The following ABCC6 variants were observed in gnomAD, a reference collection of about 807,000 sequenced individuals.
ABCC6 encodes ATP-binding cassette sub-family C member 6.
ABCC6 carries 126 observed loss-of-function variants against 169.5 expected under a neutral mutation model. The ratio of observed to expected loss-of-function variants is 0.74; its 90% CI spans 0.64 to 0.86. The LOEUF is 0.86. ABCC6 is among the 40% of genes least tolerant of loss of function. The pLI, the probability that ABCC6 is intolerant of heterozygous loss-of-function variation, is 0.00. For missense variants in ABCC6, 1,733 were observed against 1,927.2 expected (o/e 0.90, Z 1.89); for synonymous variants, 752 against 814.7 (o/e 0.92, Z 1.31).
intron 7 of ABCC6, among the ~76,000 whole-genome samples, chr16:16,204,890 C>T (rs1426930160): frequency 6.7e-6 from 1 of 148,358 alleles, no homozygotes; most frequent in African/African-American, 2.5e-5. Context: ...GGCTGGAGTG[C>T]AGTGTAGCAA....
intron 10 of ABCC6, 58 bp downstream of exon 10, chr16:16,197,963 G>T: frequency 6.5e-7 from 1 of 1,538,182 alleles, no homozygotes; most frequent in East Asian, 2.4e-5. Flanking sequence ...GAAGGAGGAG[G>T]GGGAGAAGGA....
chr16:16,215,439 GT>G (rs879670021), intron 4 of ABCC6, among the ~76,000 whole-genome samples: 433 of 19,282 alleles, frequency 0.022, 2 homozygotes, highest in Non-Finnish European at 0.019. Context: ...TTAATTTTAG[GT>G]GTGTGTGTGT....
intron 9 of ABCC6, among the ~76,000 whole-genome samples, chr16:16,199,844 G>C (rs191017453): frequency 2.3e-4 from 34 of 150,856 alleles, no homozygotes; most frequent in South Asian, 8.4e-4. Flanking sequence ...GAGGCGGGTG[G>C]ATTGCTTGAG....
chr16:16,178,276 G>C (rs1343460125), intron 18 of ABCC6, among the ~76,000 whole-genome samples: 1 of 151,966 alleles, frequency 6.6e-6, no homozygotes, highest in Non-Finnish European at 1.5e-5. Flanking sequence ...CCAGTGAGCG[G>C]AGATCGCACC....
At chr16:16,218,042 T>A (rs1233057597) in intron 4 of ABCC6, among the ~76,000 whole-genome samples, 1 of 152,132 alleles carries the variant, frequency 6.6e-6, no homozygotes, top group Non-Finnish European at 1.5e-5. Flanking sequence ...TGAGCCAAGA[T>A]CGTGCCACTG....
At chr16:16,184,911 C>A in intron 15 of ABCC6, 48 bp downstream of exon 15, 1 of 1,569,904 alleles carries the variant, frequency 6.4e-7, no homozygotes, top group Non-Finnish European at 8.8e-7. Context: ...CCCCATGCAT[C>A]TTCTCCCTAA....
chr16:16,182,741 CAGCGAGGAAG>C, intron 16 of ABCC6, 53 bp downstream of exon 16: 1 of 1,610,252 alleles, frequency 6.2e-7, no homozygotes, highest in Non-Finnish European at 8.5e-7. Context: ...GGTGGGAAGG[CAGCGAGGAAG>C]TGGGACTTTC....
At chr16:16,210,440 A>G (rs1022704708) in intron 6 of ABCC6, among the ~76,000 whole-genome samples, 5 of 152,174 alleles carry the variant, frequency 3.3e-5, no homozygotes, top group African/African-American at 1.2e-4. Context: ...CCAGGCCACC[A>G]AGTTCCCTTT....
At chr16:16,198,746 C>T (rs2048138919) in intron 9 of ABCC6, among the ~76,000 whole-genome samples, 1 of 150,682 alleles carries the variant, frequency 6.6e-6, no homozygotes, top group African/African-American at 2.4e-5. Context: ...ATAATCCCAG[C>T]ACTTTGGGAG....
chr16:16,222,746 T>C (rs1365231073), intron 1 of ABCC6, among the ~76,000 whole-genome samples: 1 of 151,542 alleles, frequency 6.6e-6, no homozygotes, highest in Non-Finnish European at 1.5e-5. Context: ...TGAAGTTTAG[T>C]GGACGTGGCC....
Position 16,154,743 on chromosome 16 carries a change from C to T in ABCC6, c.4093G>A (p.Glu1365Lys). ...GCCCAGATAGCCTCGTCCGAGTGCT[C>T]CTGCAGCAGGTCGAGGTTCATCCGC... ...SLRMNLDLLQ[E>K]HSDEAIWAAL... Residue 1365 changes from glutamate (E) to lysine (K), a missense_variant, in exon 29 of 31, where the codon GAG (glutamate) becomes AAG (lysine). Around this residue, in one of 5 missense-constraint regions of ABCC6, gnomAD observed 1,601 missense variants for 1,635.5 expected, o/e 0.98. Coordinates refer to ENST00000205557, the MANE Select transcript of ABCC6 (RefSeq NM_001171.6). 1 of 1,613,176 alleles carries T rather than the reference C, an allele frequency of 6.2e-7. No homozygotes were observed. Among genetic ancestry groups the T allele is most frequent in the Non-Finnish European group, 8.5e-7 (1 of 1,179,742 alleles).
intron 25 of ABCC6, among the ~76,000 whole-genome samples, chr16:16,160,935 ACTGT>A (rs1361358760): frequency 6.6e-6 from 1 of 152,144 alleles, no homozygotes; most frequent in Non-Finnish European, 1.5e-5. Flanking sequence ...GACATTACAT[ACTGT>A]TAATAGTTAA....
At chr16:16,179,061 G>C (rs557332129) in intron 17 of ABCC6, 96 bp from the exon 18 acceptor site, 2 of 1,367,656 alleles carry the variant, frequency 1.5e-6, no homozygotes, top group East Asian at 2.5e-5. Flanking sequence ...CTGCCCATCA[G>C]GGTGAGGTAC....
At chr16:16,209,438 A>G (rs368551306) in intron 6 of ABCC6, among the ~76,000 whole-genome samples, 2 of 152,228 alleles carry the variant, frequency 1.3e-5, no homozygotes, top group South Asian at 2.1e-4. Context: ...TTATAGATCT[A>G]TTTTACAGAT....
At chr16:16,150,383 T>A in intron 30 of ABCC6, 142 bp from the exon 31 acceptor site, 1 of 1,528,382 alleles carries the variant, frequency 6.5e-7, no homozygotes, top group Non-Finnish European at 8.8e-7. Context: ...CACAGCTGGG[T>A]TGGAAGCGTG....
rs1265368185 is a variant in ABCC6, at chr16:16,161,423, G to A, written c.3633+15C>T. The A allele has an allele frequency of 6.2e-6, 10 of 1,613,690 alleles. No homozygotes were observed. Among genetic ancestry groups the A allele is most frequent in the Non-Finnish European group, 8.5e-6 (10 of 1,179,948 alleles). On this transcript the variant is annotated intron_variant, in intron 25 of 30. Coordinates refer to ENST00000205557, the MANE Select transcript of ABCC6 (RefSeq NM_001171.6). Reference sequence around the variant, plus strand: ...TGTCTGTCCCTCAAGCCCAGTTTGGGGATGTGGGGAGTACCTGGAGGGCAG... The same window carrying A: ...TGTCTGTCCCTCAAGCCCAGTTTGGAGATGTGGGGAGTACCTGGAGGGCAG...
At chr16:16,182,020 C>T (rs1025486908) in intron 17 of ABCC6, 2 of 313,436 alleles carry the variant, frequency 6.4e-6, no homozygotes, top group South Asian at 6.6e-5. Flanking sequence ...ATCCATAGCT[C>T]CAGATGCATA....
At chr16:16,190,400 A>G (rs1186686904) in intron 11 of ABCC6, 33 bp from the exon 12 acceptor site, 3 of 1,612,468 alleles carry the variant, frequency 1.9e-6, no homozygotes, top group African/African-American at 2.7e-5. Flanking sequence ...AGATGAAGAC[A>G]GGGACAGTTG....
chr16:16,167,543 C>T (rs1052634650), intron 22 of ABCC6, among the ~76,000 whole-genome samples: 2 of 152,214 alleles, frequency 1.3e-5, no homozygotes, highest in African/African-American at 4.8e-5. Context: ...AATCTCTGCT[C>T]ACTGCAAACC....
Sources: allele counts gnomAD v4.1 joint callset (sites outside exome capture counted in the v4.1 genomes callset), GRCh38; gene constraint gnomAD v4.1.1; regional missense constraint gnomAD v4.1.1; transcripts MANE v1.5; gene names NCBI Gene and HGNC (gene_info 2026-07-23, HGNC 2026-07-21).